The following PDXDC1 variants were observed in gnomAD, a reference collection of about 807,000 sequenced individuals.
PDXDC1 encodes pyridoxal-dependent decarboxylase domain-containing protein 1.
Under a neutral mutation model 100.1 loss-of-function variants are expected in PDXDC1, and 42 were observed. That is an observed-to-expected ratio of 0.42 (90% CI 0.33 to 0.54). The LOEUF (loss-of-function observed/expected upper bound fraction) is 0.54, where lower values mean the gene tolerates loss of function less well. Ranked by LOEUF, PDXDC1 falls within the 20% of genes least tolerant of loss-of-function variation. PDXDC1 has a pLI of 0.10. For missense variants in PDXDC1, 636 were observed against 979.2 expected (o/e 0.65, Z 4.68); for synonymous variants, 260 against 371.7 (o/e 0.70, Z 3.46).
At chr16:14,991,248 A>G (rs1193057634) in intron 1 of PDXDC1, among the ~76,000 whole-genome samples, 3 of 151,738 alleles carry the variant, frequency 2.0e-5, no homozygotes, top group African/African-American at 7.3e-5. Flanking sequence ...ATATATATGT[A>G]TTATATATGT....
rs1007975764 is a variant in PDXDC1, at chr16:15,037,759, A to G, written c.*1484A>G. Reference sequence around the variant, plus strand: ...TACCTGAAATAGCTGCCGATAGACCAGTGAGAGGTAGGTTCTCCTCTGCCC... The same window carrying G: ...TACCTGAAATAGCTGCCGATAGACCGGTGAGAGGTAGGTTCTCCTCTGCCC... On this transcript the variant is annotated 3_prime_UTR_variant, in exon 23 of 23. Coordinates refer to ENST00000396410, the MANE Select transcript of PDXDC1 (RefSeq NM_015027.4). 12 of 328,218 alleles carry G rather than the reference A, an allele frequency of 3.7e-5. No homozygotes were observed. The highest frequency in any genetic ancestry group is 6.0e-5 in the Non-Finnish European group (11 of 182,246). The allele number at this position is 328,218 out of a possible 1,614,324, so 20.3% of individuals were successfully genotyped here.
chr16:15,094,320 C>T (rs1198312418), intron 16 of PDXDC1: 19 of 1,235,946 alleles, frequency 1.5e-5, no homozygotes, highest in East Asian at 1.3e-4. Flanking sequence ...TTGCGCGTGC[C>T]AGCGCAACCT....
At chr16:14,991,169 C>A (rs1284621446) in intron 1 of PDXDC1, among the ~76,000 whole-genome samples, 1 of 152,260 alleles carries the variant, frequency 6.6e-6, no homozygotes, top group African/African-American at 2.4e-5. Flanking sequence ...AGCATCTTGT[C>A]ATTACACGGG....
At chr16:15,013,618 T>C (rs1310709816) in intron 8 of PDXDC1, among the ~76,000 whole-genome samples, 1 of 152,296 alleles carries the variant, frequency 6.6e-6, no homozygotes, top group Non-Finnish European at 1.5e-5. Context: ...AGCTCATGCC[T>C]GTAGTCCCAG....
At chr16:15,133,800 C>T in intron 16 of PDXDC1, 2 of 1,586,054 alleles carry the variant, frequency 1.3e-6, no homozygotes, top group Admixed American at 1.8e-5. Context: ...CTCACCCGTG[C>T]ATTCGAAGTG....
chr16:14,994,476 T>C (rs1279605408), intron 1 of PDXDC1, among the ~76,000 whole-genome samples: 1 of 152,292 alleles, frequency 6.6e-6, no homozygotes, highest in Non-Finnish European at 1.5e-5. Flanking sequence ...TTCTGAGGGC[T>C]CTATTGTGTT....
chr16:15,125,707 G>C (rs200953944), intron 16 of PDXDC1: 20,288 of 1,370,272 alleles, frequency 0.015, 173 homozygotes, highest in Non-Finnish European at 0.018. Flanking sequence ...GTGGAGGCCT[G>C]AGAACGTGAG....
intron 12 of PDXDC1, among the ~76,000 whole-genome samples, chr16:15,019,179 T>C (rs1278300381): frequency 6.6e-6 from 1 of 152,212 alleles, no homozygotes; most frequent in Non-Finnish European, 1.5e-5. Context: ...GCAGATGAAA[T>C]CAGATGAAAA....
Position 15,137,684 on chromosome 16 carries a change from C to G in PDXDC1, c.1400-1195C>G, listed in dbSNP as rs373109045. On this transcript the variant is annotated intron_variant, in intron 16 of 16. Transcript: ENST00000535621. Reference sequence around the variant, plus strand: ...CCAGAGAGGCCTTCCTGAGCCCTGCCCAGTGTCTGCAGGGCCCAGGTCCCA... The same window carrying G: ...CCAGAGAGGCCTTCCTGAGCCCTGCGCAGTGTCTGCAGGGCCCAGGTCCCA... 6.0e-4 allele frequency: 685 copies of G among 1,150,318 alleles called. 6 individuals carry two copies. In the East Asian group the frequency reaches 7.0e-3, roughly 12 times the overall value. 71.3% of individuals were successfully genotyped at this position (1,150,318 alleles called of 1,614,324 possible).
intron 16 of PDXDC1, among the ~76,000 whole-genome samples, chr16:15,095,654 C>T (rs1352510375): frequency 6.6e-6 from 1 of 152,078 alleles, no homozygotes; most frequent in Non-Finnish European, 1.5e-5. Context: ...AAGTTTGAGA[C>T]CAGCCTGGCC....
chr16:15,093,865 A>C (rs2046240555), intron 16 of PDXDC1: 1 of 477,650 alleles, frequency 2.1e-6, no homozygotes, highest in Admixed American at 4.5e-5. Context: ...AAGAGGGGTC[A>C]AGGCGCAGAA....
intron 1 of PDXDC1, among the ~76,000 whole-genome samples, chr16:14,986,142 T>G (rs1447108994): frequency 6.6e-6 from 1 of 152,234 alleles, no homozygotes; most frequent in Non-Finnish European, 1.5e-5. Context: ...AAGGTATGAA[T>G]AGTAGGGCTT....
rs11330937 is a variant in PDXDC1 at position 15,059,997 on chromosome 16, T to TA, written c.1399+29954dup. ...TGCAAAATGCTTTAATACATTAAAT[T>TA]AAAAAAAAAAAAACAAAACAGAAAT... On this transcript the variant is annotated intron_variant, in intron 16 of 16. Transcript: ENST00000535621. The TA allele has an allele frequency of 6.5e-3, 1,059 of 162,772 alleles. 31 individuals carry two copies. In the East Asian group the frequency reaches 0.11, roughly 17 times the overall value. The allele number at this position is 162,772 out of a possible 1,614,324, so 10.1% of individuals were successfully genotyped here.
At chr16:15,130,774 C>A in intron 16 of PDXDC1, 1 of 1,176,714 alleles carries the variant, frequency 8.5e-7, no homozygotes, top group Non-Finnish European at 1.3e-6. Flanking sequence ...GGCTCGGGTT[C>A]CTCAGACAGG....
At chr16:15,039,121 A>G (rs890820964), downstream of PDXDC1, among the ~76,000 whole-genome samples, 1 of 152,230 alleles carries the variant, frequency 6.6e-6, no homozygotes, top group Non-Finnish European at 1.5e-5. Flanking sequence ...CTGCTGCCCC[A>G]TCAAAAGAAG....
At position 14,988,182 on chromosome 16, in the gene PDXDC1, C is replaced by T. The variant is rs377020901; in HGVS notation, c.22-9571C>T. 9.3e-5 allele frequency: 148 copies of T among 1,599,064 alleles called. No individual in the cohort carries two copies. In the African/African-American group the frequency reaches 1.8e-3, roughly 19 times the overall value. ...AAAGGGCGGGTGCTTCCAAAGGATC[C>T]CTTGCTCCTGGCAGTGGGACTTTCA... is the stretch of plus-strand genomic sequence containing the variant. On this transcript the variant is annotated intron_variant, in intron 1 of 22. Coordinates refer to ENST00000396410, the MANE Select transcript of PDXDC1 (RefSeq NM_015027.4).
intron 16 of PDXDC1, chr16:15,047,127 T>G (rs1191002244): frequency 2.6e-6 from 1 of 381,314 alleles, no homozygotes; most frequent in Non-Finnish European, 4.8e-6. Flanking sequence ...AATGACTGCA[T>G]GGAGAGCTAC....
chr16:14,982,904 G>T (rs1035959552), intron 1 of PDXDC1, among the ~76,000 whole-genome samples: 1 of 152,264 alleles, frequency 6.6e-6, no homozygotes, highest in African/African-American at 2.4e-5. Context: ...CACTATTCAG[G>T]ATTTACCTTG....
At chr16:15,040,995 T>G, downstream of PDXDC1, 1 of 1,018,206 alleles carries the variant, frequency 9.8e-7, no homozygotes, top group Non-Finnish European at 1.6e-6. Flanking sequence ...AGTGGGGTCA[T>G]TGGTTTGCTG....
Sources: allele counts gnomAD v4.1 joint callset (sites outside exome capture counted in the v4.1 genomes callset), GRCh38; gene constraint gnomAD v4.1.1; transcripts MANE v1.5; gene names NCBI Gene and HGNC (gene_info 2026-07-23, HGNC 2026-07-21).